ASIC2: variants seen among roughly 807,000 people sequenced by gnomAD.
The protein encoded by ASIC2 is acid-sensing ion channel 2.
Under a neutral mutation model 57.3 loss-of-function variants are expected in ASIC2, and 25 were observed. That is an observed-to-expected ratio of 0.44 (90% CI 0.32 to 0.61). The LOEUF is 0.61. Among genes scored for constraint, ASIC2 ranks in the 20% least tolerant of loss-of-function variants. ASIC2 has a pLI of 0.06. For missense variants in ASIC2, 641 were observed against 738.1 expected, an observed-to-expected ratio of 0.87 and a Z score of 1.52; for synonymous variants, 319 against 307.5, an observed-to-expected ratio of 1.04 and a Z score of -0.39.
intron 1 of ASIC2, among the ~76,000 whole-genome samples, chr17:33,266,925 G>A (rs1909485655): frequency 6.6e-6 from 1 of 152,090 alleles, no homozygotes; most frequent in Non-Finnish European, 1.5e-5. Flanking sequence ...GAAACTGCTT[G>A]GAGCGATTCG....
intron 1 of ASIC2, among the ~76,000 whole-genome samples, chr17:33,485,153 A>C (rs571565900): frequency 6.6e-6 from 1 of 152,382 alleles, no homozygotes; most frequent in Non-Finnish European, 1.5e-5. Context: ...CTTAGGTCCA[A>C]GCAGCATAGT....
chr17:33,385,943 C>T (rs889864497), intron 1 of ASIC2, among the ~76,000 whole-genome samples: 29 of 152,200 alleles, frequency 1.9e-4, no homozygotes, highest in Non-Finnish European at 3.4e-4. Context: ...CCAAGGTTTA[C>T]AGGACCCACC....
intron 1 of ASIC2, among the ~76,000 whole-genome samples, chr17:33,816,170 A>AGGGGGG (rs35521850): frequency 2.1e-4 from 25 of 119,160 alleles, no homozygotes; most frequent in South Asian, 3.8e-4. Flanking sequence ...CACCAACTGA[A>AGGGGGG]GGGGGGGCGG....
intron 1 of ASIC2, among the ~76,000 whole-genome samples, chr17:33,124,190 C>T (rs915201318): frequency 3.9e-5 from 6 of 152,210 alleles, no homozygotes; most frequent in Non-Finnish European, 7.3e-5. Context: ...CGGAGAATGT[C>T]ATTGTCTGCT....
chr17:33,013,877 G>T lies in ASIC2; in HGVS notation c.*88C>A. 8.4e-7 allele frequency: 1 copy of T among 1,191,450 alleles called. No homozygotes were observed. The highest frequency in any genetic ancestry group is 1.2e-6 in the Non-Finnish European group (1 of 820,160). The allele number at this position is 1,191,450 out of a possible 1,614,324, so 73.8% of individuals were successfully genotyped here. A position where few individuals can be genotyped will look rare whatever the true frequency, so the allele number is the denominator to read the frequency against. ...GGCTCTTGCTTCTTTCCAGCACTGG[G>T]GCCATCCCACCTGAGCTTGCTGTTC... On this transcript the variant is annotated 3_prime_UTR_variant, in exon 10 of 10. Coordinates refer to ENST00000225823, the MANE Select transcript of ASIC2 (RefSeq NM_183377.2).
At chr17:33,151,885 C>A (rs547910776) in intron 1 of ASIC2, among the ~76,000 whole-genome samples, 93 of 152,348 alleles carry the variant, frequency 6.1e-4, no homozygotes, top group Non-Finnish European at 1.0e-3. Flanking sequence ...GGCTAAGACA[C>A]TTCTGGAGTA....
At chr17:33,104,965 C>T (rs1347767085) in intron 2 of ASIC2, among the ~76,000 whole-genome samples, 2 of 152,190 alleles carry the variant, frequency 1.3e-5, no homozygotes, top group Non-Finnish European at 1.5e-5. Flanking sequence ...AGAGTAGCTA[C>T]TCACTAATGC....
At chr17:33,092,051 C>T (rs4334344) in intron 2 of ASIC2, among the ~76,000 whole-genome samples, 3,085 of 152,260 alleles carry the variant, frequency 0.02, 73 homozygotes, top group African/African-American at 0.064. Flanking sequence ...GAGGGGGTGA[C>T]GAGAACTCCG....
intron 1 of ASIC2, among the ~76,000 whole-genome samples, chr17:34,150,685 C>G (rs1477741767): frequency 6.6e-6 from 1 of 152,066 alleles, no homozygotes; most frequent in Non-Finnish European, 1.5e-5. Flanking sequence ...GTTTAGAAGA[C>G]AGACGAGAGA....
chr17:33,373,923 C>T (rs185177562), intron 1 of ASIC2, among the ~76,000 whole-genome samples: 3 of 152,246 alleles, frequency 2.0e-5, no homozygotes, highest in Admixed American at 2.0e-4. Context: ...GGTGATCTGC[C>T]CATCTTGGCC....
intron 1 of ASIC2, among the ~76,000 whole-genome samples, chr17:33,132,276 C>A (rs2092349395): frequency 6.6e-6 from 1 of 152,206 alleles, no homozygotes. Context: ...GTTCTGCCCC[C>A]AAACTGGGTA....
In ASIC2 at chr17:33,160,214, A is replaced by AAAAAGAAAAGAAAAG. The variant is rs750297767; in HGVS notation, c.709-48162_709-48148dup. Among the ~76,000 whole-genome samples, 600 of 93,492 alleles carry AAAAAGAAAAGAAAAG rather than the reference A, an allele frequency of 6.4e-3. 1 individual carries two copies. The highest frequency in any genetic ancestry group is 8.1e-3 in the Non-Finnish European group (367 of 45,170). 61.3% of individuals were successfully genotyped at this position (93,492 alleles called of 152,430 possible). On this transcript the variant is annotated intron_variant, in intron 1 of 9. Coordinates refer to ENST00000225823, the MANE Select transcript of ASIC2 (RefSeq NM_183377.2). ...ACAGAGAGAGACCCTGTTAAAAAAA[A>AAAAAGAAAAGAAAAG]AAAAGAAAAGAAAAGAAAAGAAAAG...
intron 1 of ASIC2, among the ~76,000 whole-genome samples, chr17:33,579,125 A>T (rs1381209441): frequency 6.6e-6 from 1 of 151,972 alleles, no homozygotes; most frequent in Non-Finnish European, 1.5e-5. Flanking sequence ...TCTCTACTAA[A>T]AATATAAAAC....
chr17:33,084,455 A>C (rs1462221637), intron 3 of ASIC2, among the ~76,000 whole-genome samples: 1 of 152,228 alleles, frequency 6.6e-6, no homozygotes, highest in Non-Finnish European at 1.5e-5. Context: ...ACAACTGTGC[A>C]GTGTGGCAGA....
intron 1 of ASIC2, among the ~76,000 whole-genome samples, chr17:33,300,224 CT>C (rs1361572616): frequency 6.6e-6 from 1 of 152,072 alleles, no homozygotes; most frequent in Non-Finnish European, 1.5e-5. Flanking sequence ...TGTACATAGT[CT>C]TTATATGCCC....
At chr17:33,483,745 A>C (rs1301219724) in intron 1 of ASIC2, among the ~76,000 whole-genome samples, 1 of 152,216 alleles carries the variant, frequency 6.6e-6, no homozygotes, top group Non-Finnish European at 1.5e-5. Flanking sequence ...TATAAATTGG[A>C]AGCTGGGATG....
intron 1 of ASIC2, among the ~76,000 whole-genome samples, chr17:33,730,387 G>A (rs1297902905): frequency 6.6e-6 from 1 of 152,182 alleles, no homozygotes; most frequent in Non-Finnish European, 1.5e-5. Flanking sequence ...GAGGAGAAGG[G>A]CGAGTTACTG....
At chr17:33,050,064 A>G (rs2091969419) in intron 3 of ASIC2, among the ~76,000 whole-genome samples, 1 of 152,186 alleles carries the variant, frequency 6.6e-6, no homozygotes, top group Non-Finnish European at 1.5e-5. Context: ...CTATCGGGTA[A>G]GCCTGCTCAG....
intron 1 of ASIC2, among the ~76,000 whole-genome samples, chr17:33,725,392 C>T (rs1178809036): frequency 6.6e-6 from 1 of 152,094 alleles, no homozygotes; most frequent in African/African-American, 2.4e-5. Context: ...GGACTTAGTC[C>T]GAGTTGTCCA....
Sources: allele counts gnomAD v4.1 joint callset (sites outside exome capture counted in the v4.1 genomes callset), GRCh38; gene constraint gnomAD v4.1.1; transcripts MANE v1.5; gene names NCBI Gene and HGNC (gene_info 2026-07-23, HGNC 2026-07-21).